Variants in ZNF33A observed in about 807,000 individuals in gnomAD.
The protein encoded by ZNF33A is brain my041 protein.
Under a neutral mutation model 15.9 loss-of-function variants are expected in ZNF33A, and 9 were observed. The observed-to-expected ratio is 0.57, with a 90% CI of 0.34 to 0.99. The LOEUF (loss-of-function observed/expected upper bound fraction) is 0.99. ZNF33A is among the 50% of genes least tolerant of loss of function. The pLI is 0.02. For missense variants in ZNF33A, 843 were observed against 941.6 expected (o/e 0.90, Z 1.37); for synonymous variants, 294 against 324.2 (o/e 0.91, Z 1.00).
chr10:38,016,586 A>G (rs2064460975), intron 2 of ZNF33A, among the ~76,000 whole-genome samples: 1 of 152,204 alleles, frequency 6.6e-6, no homozygotes, highest in South Asian at 2.1e-4. Context: ...TACTTGTAAC[A>G]TATTACCACA....
intron 4 of ZNF33A, among the ~76,000 whole-genome samples, chr10:38,024,163 CAAAA>C (rs71007682): frequency 1.0e-3 from 94 of 93,206 alleles, no homozygotes; most frequent in African/African-American, 2.1e-3. Context: ...AAAAACAAAA[CAAAA>C]AAAAAAAAAA....
intron 4 of ZNF33A, among the ~76,000 whole-genome samples, chr10:38,037,334 C>CT (rs372716423): frequency 0.77 from 113,302 of 147,778 alleles, 43,416 homozygotes; most frequent in South Asian, 0.87. Flanking sequence ...TTTCTTTTTT[C>CT]TTTTTTTTTT....
In ZNF33A at chr10:38,057,237, A is replaced by G; in HGVS notation, c.*677A>G. ...AAAAGGAATCTGAGATCTGTACTGT[A>G]TCAGGATTACAAAGGATTTAGCCTC... On this transcript the variant is annotated 3_prime_UTR_variant, in exon 5 of 5. Transcript: ENST00000432900. 2 of 985,102 alleles carry G rather than the reference A, an allele frequency of 2.0e-6. No individual in the cohort carries two copies. The highest frequency in any genetic ancestry group is 5.2e-4 in the Middle Eastern group (1 of 1,914). 61.0% of individuals were successfully genotyped at this position (985,102 alleles called of 1,614,324 possible).
chr10:38,025,269 A>G (rs778382094), intron 4 of ZNF33A, among the ~76,000 whole-genome samples: 5 of 152,226 alleles, frequency 3.3e-5, no homozygotes, highest in African/African-American at 9.6e-5. Flanking sequence ...TAGAACATAC[A>G]TATAGAATGA....
chr10:38,054,098 CTAT>C (rs765060185), intron 4 of ZNF33A, among the ~76,000 whole-genome samples: 5 of 152,170 alleles, frequency 3.3e-5, no homozygotes, highest in Non-Finnish European at 7.3e-5. Context: ...TAAGCAGCTG[CTAT>C]TATTCTTCTT....
chr10:38,052,037 C>T (rs2066233188), intron 4 of ZNF33A, among the ~76,000 whole-genome samples: 1 of 151,988 alleles, frequency 6.6e-6, no homozygotes, highest in African/African-American at 2.4e-5. Flanking sequence ...TAATTGTGAA[C>T]AACGGAATGA....
chr10:38,031,509 G>T (rs2135629800), intron 4 of ZNF33A, among the ~76,000 whole-genome samples: 1 of 149,994 alleles, frequency 6.7e-6, no homozygotes, highest in Middle Eastern at 3.5e-3. Flanking sequence ...GGTCAAGGCT[G>T]CAGTAAGCTG....
chr10:38,015,047 G>A (rs2064384788), intron 2 of ZNF33A, among the ~76,000 whole-genome samples: 1 of 152,030 alleles, frequency 6.6e-6, no homozygotes, highest in Non-Finnish European at 1.5e-5. Flanking sequence ...TAATGTTTTT[G>A]TATTTTTAGT....
chr10:38,048,841 A>T (rs12360134), intron 4 of ZNF33A, among the ~76,000 whole-genome samples: 91 of 152,158 alleles, frequency 6.0e-4, no homozygotes, highest in Non-Finnish European at 1.2e-3. Flanking sequence ...CATCCTTTTA[A>T]TAATTGATAA....
intron 4 of ZNF33A, among the ~76,000 whole-genome samples, chr10:38,032,802 C>G (rs534414060): frequency 6.6e-6 from 1 of 151,994 alleles, no homozygotes; most frequent in African/African-American, 2.4e-5. Flanking sequence ...GGCTGGAGTA[C>G]AGTGGCGCGA....
At position 38,016,922 on chromosome 10, in the gene ZNF33A, T is replaced by G; in HGVS notation, c.61T>G (p.Phe21Val). Residue 21 changes from phenylalanine to valine, a missense_variant, in exon 3 of 5, where the codon TTC becomes GTC. Physicochemically the swap from Phe to Val is conservative, Grantham distance 50. Transcript: ENST00000432900. ...ATCATTTAAAGATGTGACTGTGGGCTTCACCCAGGAGGAGTGGCAGCACCT... is the reference window on the plus strand; with the variant it reads ...ATCATTTAAAGATGTGACTGTGGGCGTCACCCAGGAGGAGTGGCAGCACCT... ...SVSFKDVTVG[F>V]TQEEWQHLDP... The G allele has an allele frequency of 6.2e-7, 1 of 1,614,042 alleles. No individual in the cohort carries two copies.
intron 4 of ZNF33A, among the ~76,000 whole-genome samples, chr10:38,031,903 C>T (rs908336803): frequency 6.6e-5 from 10 of 152,144 alleles, no homozygotes; most frequent in African/African-American, 2.4e-4. Context: ...GCGGAGGTTG[C>T]ACTGAGCTGA....
chr10:38,066,980 A>G (rs544943600), downstream of ZNF33A, among the ~76,000 whole-genome samples: 12 of 152,292 alleles, frequency 7.9e-5, no homozygotes, highest in South Asian at 1.7e-3. Flanking sequence ...GAGAAACGGG[A>G]CTTTATGGCA....
chr10:38,057,295 G>C lies in ZNF33A; in HGVS notation c.*735G>C, dbSNP rs2505229. On this transcript the variant is annotated 3_prime_UTR_variant, in exon 5 of 5. Transcript: ENST00000432900. ...TCCCTTTTTGTATTAATAACCACAC[G>C]CTTTCTGCAACCCTATCCCTTGCAT... 61,422 of 953,596 alleles carry C rather than the reference G, an allele frequency of 0.064. 3,181 individuals are homozygous for C. Among genetic ancestry groups the C allele is most frequent in the Non-Finnish European group, 0.07 (56,092 of 799,618 alleles). 59.1% of individuals were successfully genotyped at this position (953,596 alleles called of 1,614,324 possible).
downstream of ZNF33A, among the ~76,000 whole-genome samples, chr10:38,062,937 A>T (rs1185492987): frequency 7.4e-6 from 1 of 135,522 alleles, no homozygotes; most frequent in Non-Finnish European, 1.5e-5. Context: ...CAGGAGGCGG[A>T]GCTTGCAGTG....
In ZNF33A at chr10:38,010,710, C is replaced by G. The variant is rs753114613; in HGVS notation, c.-118C>G. On this transcript the variant is annotated 5_prime_UTR_variant, in exon 1 of 5. Transcript: ENST00000432900. ...TTCCTTTTGTTTTTCTCAGGTTTTG[C>G]GTGGGAGGCGGTCCCGGGATTTCAA... 1.3e-6 allele frequency: 2 copies of G among 1,598,224 alleles called. No individual in the cohort carries two copies. The highest frequency in any genetic ancestry group is 1.7e-4 in the Middle Eastern group (1 of 6,060).
intron 4 of ZNF33A, among the ~76,000 whole-genome samples, chr10:38,019,007 T>C (rs1455822101): frequency 1.3e-5 from 2 of 151,966 alleles, no homozygotes; most frequent in Non-Finnish European, 1.5e-5. Context: ...TATTATACTT[T>C]AAGTTTTAGG....
intron 4 of ZNF33A, among the ~76,000 whole-genome samples, chr10:38,037,163 G>T (rs1051321301): frequency 6.6e-6 from 1 of 152,136 alleles, no homozygotes; most frequent in Non-Finnish European, 1.5e-5. Context: ...CCCAGGGCAT[G>T]AAGATCCACT....
chr10:38,016,901 T>A lies in ZNF33A; in HGVS notation c.40T>A (p.Phe14Ile). ...ACAGAAGTCCCAGGAGTCAGTATCA[T>A]TTAAAGATGTGACTGTGGGCTTCAC... ...VEQKSQESVS[F>I]KDVTVGFTQE... The change falls in exon 3 of 5, where the codon TTT becomes ATT. Residue 14 changes from phenylalanine (F) to isoleucine (I), a missense_variant. Transcript: ENST00000432900. 1 of 1,614,028 alleles carries A rather than the reference T, an allele frequency of 6.2e-7. No homozygotes were observed. The highest frequency in any genetic ancestry group is 1.1e-5 in the South Asian group (1 of 91,048).
Sources: allele counts gnomAD v4.1 joint callset (sites outside exome capture counted in the v4.1 genomes callset), GRCh38; gene constraint gnomAD v4.1.1; transcripts MANE v1.5; gene names NCBI Gene and HGNC (gene_info 2026-07-23, HGNC 2026-07-21).